The following GPC5 variants were observed in gnomAD, a reference collection of about 807,000 sequenced individuals.
GPC5 encodes glypican 5, also known as glypican-5.
Under a neutral mutation model 53.9 loss-of-function variants are expected in GPC5, and 47 were observed. The ratio of observed to expected loss-of-function variants is 0.87; its 90% CI spans 0.69 to 1.11. The LOEUF is 1.11. Ranked by LOEUF, GPC5 falls within the 50% of genes most tolerant of loss-of-function variation. The pLI is 0.00. For missense variants in GPC5, 748 were observed against 713.1 expected (o/e 1.05, Z -0.56); for synonymous variants, 286 against 263.3 (o/e 1.09, Z -0.84).
chr13:91,896,398 C>T (rs770442900), intron 5 of GPC5, among the ~76,000 whole-genome samples: 5 of 152,176 alleles, frequency 3.3e-5, no homozygotes, highest in Non-Finnish European at 7.3e-5. Flanking sequence ...GGATTACAGG[C>T]ATGAGCCACC....
intron 6 of GPC5, among the ~76,000 whole-genome samples, chr13:92,130,350 A>G (rs1233410760): frequency 1.3e-5 from 2 of 151,918 alleles, no homozygotes; most frequent in Non-Finnish European, 2.9e-5. Context: ...AAAAAAAAAA[A>G]AAGTCTTAAA....
chr13:92,126,787 C>T (rs1298171687), intron 6 of GPC5, among the ~76,000 whole-genome samples: 1 of 151,166 alleles, frequency 6.6e-6, no homozygotes, highest in Non-Finnish European at 1.5e-5. Context: ...CAGTAGGATA[C>T]TAACAATAGA....
At chr13:91,607,675 C>T (rs999845583) in intron 2 of GPC5, among the ~76,000 whole-genome samples, 6 of 152,194 alleles carry the variant, frequency 3.9e-5, no homozygotes, top group South Asian at 2.1e-4. Flanking sequence ...TATTCCAAGA[C>T]GTTGTTCTTA....
chr13:92,005,924 A>G (rs1053520445), intron 6 of GPC5, among the ~76,000 whole-genome samples: 3 of 152,220 alleles, frequency 2.0e-5, no homozygotes, highest in Admixed American at 6.5e-5. Context: ...TCCTCAAGCT[A>G]GGAGCACTGT....
At chr13:91,425,532 G>A (rs1417575528) in intron 1 of GPC5, among the ~76,000 whole-genome samples, 1 of 152,138 alleles carries the variant, frequency 6.6e-6, no homozygotes, top group East Asian at 1.9e-4. Flanking sequence ...ACTGTTCACT[G>A]TTCTCTCTTT....
At chr13:91,418,464 T>C (rs1186369903) in intron 1 of GPC5, among the ~76,000 whole-genome samples, 1 of 152,146 alleles carries the variant, frequency 6.6e-6, no homozygotes, top group Non-Finnish European at 1.5e-5. Flanking sequence ...AACAGCGAAT[T>C]CAGACTACCC....
chr13:92,294,617 G>T (rs2043020752), intron 7 of GPC5, among the ~76,000 whole-genome samples: 1 of 151,650 alleles, frequency 6.6e-6, no homozygotes, highest in Non-Finnish European at 1.5e-5. Context: ...TCTTGTTAAT[G>T]GCCTATCAGT....
chr13:92,152,380 T>C (rs2041913269), intron 7 of GPC5, among the ~76,000 whole-genome samples: 1 of 152,200 alleles, frequency 6.6e-6, no homozygotes, highest in South Asian at 2.1e-4. Context: ...CTTCAAGTGA[T>C]TTTTTTGTGA....
At chr13:91,636,141 T>C (rs1033441264) in intron 2 of GPC5, among the ~76,000 whole-genome samples, 3 of 152,224 alleles carry the variant, frequency 2.0e-5, no homozygotes, top group East Asian at 3.9e-4. Context: ...TTTTCCAATC[T>C]TTCCAATATT....
chr13:92,125,289 A>G (rs1881800828), intron 6 of GPC5, among the ~76,000 whole-genome samples: 1 of 152,242 alleles, frequency 6.6e-6, no homozygotes, highest in Non-Finnish European at 1.5e-5. Flanking sequence ...GCTAATCCAC[A>G]TCTGGATTCC....
intron 7 of GPC5, among the ~76,000 whole-genome samples, chr13:92,146,357 G>A (rs1489946971): frequency 1.3e-5 from 2 of 151,946 alleles, no homozygotes; most frequent in East Asian, 3.9e-4. Context: ...AGAGAATTTG[G>A]AAATGAAAAT....
intron 2 of GPC5, among the ~76,000 whole-genome samples, chr13:91,688,720 T>A (rs1020633689): frequency 2.6e-5 from 4 of 152,156 alleles, no homozygotes; most frequent in African/African-American, 9.7e-5. Flanking sequence ...GATCTAGACC[T>A]TAGAGTCTGC....
At chr13:91,608,009 AT>A (rs2033428672) in intron 2 of GPC5, among the ~76,000 whole-genome samples, 1 of 152,238 alleles carries the variant, frequency 6.6e-6, no homozygotes, top group African/African-American at 2.4e-5. Flanking sequence ...TAATATATTT[AT>A]TGTAGAAATG....
chr13:91,663,123 A>C (rs2035024334), intron 2 of GPC5, among the ~76,000 whole-genome samples: 1 of 152,206 alleles, frequency 6.6e-6, no homozygotes, highest in South Asian at 2.1e-4. Context: ...TAAGAATACA[A>C]ACGTTCTTGA....
chr13:92,843,057 C>T (rs769908713), intron 7 of GPC5, among the ~76,000 whole-genome samples: 34 of 152,112 alleles, frequency 2.2e-4, no homozygotes, highest in Non-Finnish European at 3.8e-4. Flanking sequence ...TATAATTGTT[C>T]AAGAAGCAAT....
chr13:92,560,002 C>A (rs1298186667), intron 7 of GPC5, among the ~76,000 whole-genome samples: 3 of 151,522 alleles, frequency 2.0e-5, no homozygotes, highest in East Asian at 4.0e-4. Context: ...TTTTCTACTC[C>A]CTTTTTCCAC....
intron 6 of GPC5, among the ~76,000 whole-genome samples, chr13:92,024,086 G>C (rs1053828445): frequency 2.6e-5 from 4 of 152,034 alleles, no homozygotes; most frequent in African/African-American, 9.7e-5. Context: ...TATATTCTGA[G>C]GCCCAGGCCC....
At chr13:92,547,733 C>G (rs1882167237) in intron 7 of GPC5, among the ~76,000 whole-genome samples, 1 of 149,698 alleles carries the variant, frequency 6.7e-6, no homozygotes, top group Non-Finnish European at 1.5e-5. Context: ...TCTTTGTATT[C>G]TATTCATAGT....
chr13:92,607,989 T>G (rs1401414976), intron 7 of GPC5, among the ~76,000 whole-genome samples: 1 of 152,232 alleles, frequency 6.6e-6, no homozygotes, highest in Non-Finnish European at 1.5e-5. Context: ...TTCCACTTAA[T>G]GAATAGTAAA....
Sources: gnomAD v4.1 joint callset for allele counts (sites outside exome capture counted in the v4.1 genomes callset) on GRCh38, gnomAD v4.1.1 for gene constraint, MANE v1.5 for transcripts, NCBI Gene and HGNC (gene_info 2026-07-23, HGNC 2026-07-21) for gene names.